Variants in SLC39A11 observed in about 807,000 individuals in gnomAD.
The protein encoded by SLC39A11 is zinc transporter ZIP11.
In SLC39A11, 33 loss-of-function variants were observed where a neutral mutation model predicts 36.1. The ratio of observed to expected loss-of-function variants is 0.91; its 90% CI spans 0.69 to 1.22. The LOEUF is 1.22. Among genes scored for constraint, SLC39A11 ranks in the 50% most tolerant of loss-of-function variants. The pLI is 0.00. For synonymous variants in SLC39A11, 166 were observed against 170.3 expected, an observed-to-expected ratio of 0.97 and a Z score of 0.20; for missense variants, 432 against 430.3, an observed-to-expected ratio of 1.00 and a Z score of -0.03.
intron 5 of SLC39A11, among the ~76,000 whole-genome samples, chr17:72,906,051 C>T (rs1207289701): frequency 1.3e-5 from 2 of 152,212 alleles, no homozygotes; most frequent in Non-Finnish European, 2.9e-5. Flanking sequence ...CCACACTCGG[C>T]CAAAGAGGAC....
chr17:72,964,863 C>A (rs373293253), intron 4 of SLC39A11, among the ~76,000 whole-genome samples: 6 of 152,262 alleles, frequency 3.9e-5, no homozygotes, highest in Admixed American at 2.0e-4. Flanking sequence ...AAATGTCCAT[C>A]AATGATAGAC....
At position 72,861,665 on chromosome 17, in the gene SLC39A11, A is replaced by ATATATATATCC. The variant is rs1337444019; in HGVS notation, c.431-11862_431-11861insGGATATATATA. Among the ~76,000 whole-genome samples, 11 of 106,884 alleles carry ATATATATATCC rather than the reference A, an allele frequency of 1.0e-4. 1 individual carries two copies. The highest frequency in any genetic ancestry group is 3.6e-4 in the African/African-American group (9 of 25,066). 70.1% of individuals were successfully genotyped at this position (106,884 alleles called of 152,430 possible). A position where few individuals can be genotyped will look rare whatever the true frequency, so the allele number is the denominator to read the frequency against. Reference sequence around the variant, plus strand: ...CATCTATATACAACACATTATATATATATATATATATATATATATATATAA... The same window carrying ATATATATATCC: ...CATCTATATACAACACATTATATATATATATATATCCTATATATATATATATATATATATAA... On this transcript the variant is annotated intron_variant, in intron 5 of 9. Transcript: ENST00000255559.
chr17:73,000,668 C>T (rs1173725851), intron 4 of SLC39A11, among the ~76,000 whole-genome samples: 1 of 152,188 alleles, frequency 6.6e-6, no homozygotes, highest in Admixed American at 6.5e-5. Flanking sequence ...TTGCTTGCAA[C>T]CCAGAACCCT....
chr17:73,061,129 A>G (rs2059827302), intron 3 of SLC39A11, among the ~76,000 whole-genome samples: 1 of 152,224 alleles, frequency 6.6e-6, no homozygotes, highest in South Asian at 2.1e-4. Context: ...TGGGAGGCCA[A>G]GGCAGGCAGA....
intron 6 of SLC39A11, among the ~76,000 whole-genome samples, chr17:72,841,177 A>G (rs1373788345): frequency 6.6e-6 from 1 of 152,262 alleles, no homozygotes; most frequent in Non-Finnish European, 1.5e-5. Flanking sequence ...TACATATTGA[A>G]TACATCAAAG....
At chr17:72,846,068 C>T (rs968665678) in intron 6 of SLC39A11, among the ~76,000 whole-genome samples, 6 of 121,762 alleles carry the variant, frequency 4.9e-5, no homozygotes, top group African/African-American at 6.4e-5. Context: ...CTTGCTTTGT[C>T]GCCCAGGCTG....
chr17:72,687,525 G>A (rs1440343942), intron 7 of SLC39A11, among the ~76,000 whole-genome samples: 1 of 152,198 alleles, frequency 6.6e-6, no homozygotes, highest in Non-Finnish European at 1.5e-5. Context: ...TTACAGGCGT[G>A]AGCCACCGCG....
At chr17:72,947,048 C>T (rs1374042701) in intron 5 of SLC39A11, among the ~76,000 whole-genome samples, 3 of 152,230 alleles carry the variant, frequency 2.0e-5, no homozygotes, top group Admixed American at 2.0e-4. Flanking sequence ...TGGCCAGGTG[C>T]AGTGGCTCAT....
intron 6 of SLC39A11, among the ~76,000 whole-genome samples, chr17:72,822,733 T>G (rs1452388794): frequency 2.7e-5 from 4 of 150,914 alleles, no homozygotes; most frequent in Non-Finnish European, 5.9e-5. Flanking sequence ...CTTTCTTTTC[T>G]TTCTTTTTTT....
At chr17:72,841,869 C>A (rs1223521709) in intron 6 of SLC39A11, among the ~76,000 whole-genome samples, 2 of 151,128 alleles carry the variant, frequency 1.3e-5, no homozygotes, top group Non-Finnish European at 1.5e-5. Context: ...CGAGACTAGC[C>A]TAGGCAACAT....
Position 72,679,728 on chromosome 17 carries a change from C to G in SLC39A11, c.672-30460G>C, listed in dbSNP as rs185994127. ...TGGTGGGAGGTGGGCTTAGAGGACACGTTAAGGATTTGTTAAAGAATTGTG... is the reference window on the plus strand; with the variant it reads ...TGGTGGGAGGTGGGCTTAGAGGACAGGTTAAGGATTTGTTAAAGAATTGTG... On this transcript the variant is annotated intron_variant, in intron 7 of 9. Transcript: ENST00000255559. 4.7e-4 allele frequency among the ~76,000 whole-genome samples: 72 copies of G among 152,184 alleles called. No individual in the cohort carries two copies. The East Asian group carries it at 0.012, about 26-fold the overall frequency.
intron 7 of SLC39A11, among the ~76,000 whole-genome samples, chr17:72,659,571 ACT>A (rs1371801174): frequency 3.4e-4 from 35 of 103,834 alleles, no homozygotes; most frequent in African/African-American, 1.3e-3. Context: ...GTCCTCTGTG[ACT>A]CTTTTTTTTT....
chr17:72,701,173 G>C (rs1347025817), intron 7 of SLC39A11, among the ~76,000 whole-genome samples: 1 of 152,230 alleles, frequency 6.6e-6, no homozygotes, highest in Non-Finnish European at 1.5e-5. Flanking sequence ...CAGATGTTTG[G>C]CATGGTTTTG....
Position 72,910,296 on chromosome 17 carries a change from G to C in SLC39A11, c.430+37456C>G, listed in dbSNP as rs149544227. Among the ~76,000 whole-genome samples, 340 of 152,114 alleles carry C rather than the reference G, an allele frequency of 2.2e-3. 1 individual carries two copies. Among genetic ancestry groups the C allele is most frequent in the African/African-American group, 7.7e-3 (320 of 41,470 alleles). The stretch of plus-strand genomic sequence containing the variant: ...TAACAAACATGCATATGTATCTCCT[G>C]AATCTAAAATAAAAGTTGAAATTAT... On this transcript the variant is annotated intron_variant, in intron 5 of 9. Coordinates refer to ENST00000255559, the MANE Select transcript of SLC39A11 (RefSeq NM_139177.4).
intron 5 of SLC39A11, among the ~76,000 whole-genome samples, chr17:72,920,013 T>C (rs547723253): frequency 6.6e-6 from 1 of 152,302 alleles, no homozygotes; most frequent in Admixed American, 6.5e-5. Flanking sequence ...TTGCTTTCTC[T>C]TTTGGGAGAA....
At chr17:72,807,396 T>A (rs1208471779) in intron 6 of SLC39A11, among the ~76,000 whole-genome samples, 1 of 152,122 alleles carries the variant, frequency 6.6e-6, no homozygotes, top group East Asian at 1.9e-4. Context: ...AATAGGAGTG[T>A]CTTTGTTTAT....
At chr17:72,992,065 G>A (rs1400883821) in intron 4 of SLC39A11, among the ~76,000 whole-genome samples, 1 of 151,914 alleles carries the variant, frequency 6.6e-6, no homozygotes, top group Non-Finnish European at 1.5e-5. Flanking sequence ...AATTTAAATC[G>A]CAGAGGCCAG....
At chr17:72,715,168 C>T (rs1022792477) in intron 7 of SLC39A11, among the ~76,000 whole-genome samples, 15 of 152,212 alleles carry the variant, frequency 9.9e-5, no homozygotes, top group Admixed American at 2.0e-4. Context: ...CCGCGAGAGG[C>T]TCTCTCCTCC....
intron 4 of SLC39A11, among the ~76,000 whole-genome samples, chr17:72,953,795 C>T (rs1406433180): frequency 3.3e-5 from 5 of 152,244 alleles, no homozygotes; most frequent in Non-Finnish European, 5.9e-5. Context: ...TCCTTTCTGG[C>T]TCTTCCTCAC....
Sources: gnomAD v4.1 joint callset for allele counts (sites outside exome capture counted in the v4.1 genomes callset) on GRCh38, gnomAD v4.1.1 for gene constraint, MANE v1.5 for transcripts, NCBI Gene and HGNC (gene_info 2026-07-23, HGNC 2026-07-21) for gene names.